TOP3B: variants seen among roughly 807,000 people sequenced by gnomAD.
The protein encoded by TOP3B is DNA topoisomerase 3-beta-1.
Under a neutral mutation model 93.9 loss-of-function variants are expected in TOP3B, and 45 were observed. The observed-to-expected ratio is 0.48, with a 90% CI of 0.38 to 0.61. TOP3B has a LOEUF of 0.61. Ranked by LOEUF, TOP3B falls within the 20% of genes least tolerant of loss-of-function variation. The pLI, the probability that TOP3B is intolerant of heterozygous loss-of-function variation, is 0.00. For synonymous variants in TOP3B, 357 were observed against 472.6 expected (o/e 0.76, Z 3.17); for missense variants, 750 against 1,156.1 (o/e 0.65, Z 5.09).
Position 21,958,664 on chromosome 22 carries a change from G to T in TOP3B, c.1935C>A (p.His645Gln), listed in dbSNP as rs760864773. 9 of 1,610,312 alleles carry T rather than the reference G, an allele frequency of 5.6e-6. No homozygotes were observed. Among genetic ancestry groups the T allele is most frequent in the Non-Finnish European group, 7.6e-6 (9 of 1,177,842 alleles). ...GGGGGAGCGTGTAGGTCTCATCGCA[G>T]TGGGAGCAGTGCAGGCGGCTTGGCT... ...QAKPSRLHCSHCDETYTLPQN... is the reference protein window; with the variant it reads ...QAKPSRLHCSQCDETYTLPQN... Residue 645 changes from histidine to glutamine, a missense_variant, in exon 17 of 18, where the codon CAC becomes CAA. This residue lies in a region of TOP3B where 737 missense variants were observed against 933.7 expected (regional missense o/e 0.79). Transcript: ENST00000357179.
intron 7 of TOP3B, chr22:21,968,101 T>C (rs2071487129): frequency 3.6e-6 from 1 of 278,734 alleles, no homozygotes; most frequent in Admixed American, 4.9e-5. Flanking sequence ...TCTCACTGTG[T>C]TGCTAGGCTG....
At chr22:21,981,431 G>T (rs150976102) in intron 1 of TOP3B, among the ~76,000 whole-genome samples, 1 of 152,282 alleles carries the variant, frequency 6.6e-6, no homozygotes, top group African/African-American at 2.4e-5. Flanking sequence ...CACTACACTT[G>T]GTACAGCTTC....
rs770353799 is a variant in TOP3B at position 21,962,291 on chromosome 22, G to A, written c.1525+138C>T. The A allele has an allele frequency of 5.0e-6, 8 of 1,592,136 alleles. No homozygotes were observed. In the East Asian group the frequency reaches 1.6e-4, roughly 31 times the overall value. Reference sequence around the variant, plus strand: ...ACCTGCCTGGCTGGCCACACACTGGGTCACCAGTTTCCAGATACCAGCCCA... The same window carrying A: ...ACCTGCCTGGCTGGCCACACACTGGATCACCAGTTTCCAGATACCAGCCCA... On this transcript the variant is annotated intron_variant, in intron 13 of 17. Transcript: ENST00000357179.
chr22:21,958,887 A>G, intron 16 of TOP3B, 194 bp from the exon 17 acceptor site: 6 of 1,084,454 alleles, frequency 5.5e-6, no homozygotes, highest in African/African-American at 3.2e-5. Context: ...CTGTGTGTAC[A>G]TTAATGCCCA....
At chr22:21,959,552 C>A in intron 15 of TOP3B, 35 bp downstream of exon 15, 1 of 1,576,964 alleles carries the variant, frequency 6.3e-7, no homozygotes. Context: ...GAGAGACACC[C>A]CTCTGGTGAG....
Position 21,960,404 on chromosome 22 carries a change from C to A in TOP3B, c.1571G>T (p.Arg524Leu). 1 of 1,613,718 alleles carries A rather than the reference C, an allele frequency of 6.2e-7. No homozygotes were observed. The highest frequency in any genetic ancestry group is 2.2e-5 in the East Asian group (1 of 44,880). Residue 524 changes from arginine to leucine, a missense_variant, in exon 14 of 18, where the codon CGC becomes CTC. Physicochemically the swap from Arg to Leu is moderately radical, Grantham distance 102. This residue lies in a region of TOP3B where 737 missense variants were observed against 933.7 expected (regional missense o/e 0.79). Transcript: ENST00000357179. ...CCCGCTCTCCACCGTGACATAGTTG[C>A]GCTGGCAGATGTTGTTGATATGCAC... ...IPVHINNICQ[R>L]NYVTVESGRR...
Position 21,970,171 on chromosome 22 carries a change from G to C in TOP3B, c.581+39C>G, listed in dbSNP as rs2071577343. 1 of 1,558,956 alleles carries C rather than the reference G, an allele frequency of 6.4e-7. No individual in the cohort carries two copies. Among genetic ancestry groups the C allele is most frequent in the Non-Finnish European group, 8.6e-7 (1 of 1,157,426 alleles). The stretch of plus-strand genomic sequence containing the variant: ...GAGGCAGGTCTCTGGCTGAGGGAGA[G>C]TGAGGGTGTGCCCAGGACTCTGCGG... On this transcript the variant is annotated intron_variant, in intron 6 of 17. Coordinates refer to ENST00000357179, the MANE Select transcript of TOP3B (RefSeq NM_001282112.2). The surrounding 1 kb of genome is among the most constrained non-coding windows in gnomAD (Gnocchi z 4.4).
At chr22:21,969,027 A>T in intron 6 of TOP3B, 1 of 479,660 alleles carries the variant, frequency 2.1e-6, no homozygotes, top group Non-Finnish European at 3.8e-6. Context: ...CTTCTATTCT[A>T]TTCCATCTAC....
At chr22:21,962,321 G>C in intron 13 of TOP3B, 108 bp downstream of exon 13, 1 of 1,599,350 alleles carries the variant, frequency 6.3e-7, no homozygotes, top group East Asian at 2.2e-5. Flanking sequence ...AGCCCATGGA[G>C]GGGTGCTGGG....
At chr22:21,974,607 G>GTGACGACATTC (rs1223268093) in intron 2 of TOP3B, 119 bp from the exon 3 acceptor site, 3 of 1,181,938 alleles carry the variant, frequency 2.5e-6, no homozygotes, top group Non-Finnish European at 2.3e-6. Flanking sequence ...AGAGTGGTGA[G>GTGACGACATTC]TGACGACATT....
chr22:21,974,559 G>A (rs369335117), intron 2 of TOP3B, 71 bp from the exon 3 acceptor site: 101 of 1,481,550 alleles, frequency 6.8e-5, no homozygotes, highest in Non-Finnish European at 8.1e-5. Context: ...ACCCCAGCCC[G>A]GATGCCACCT....
chr22:21,970,472 T>C lies in TOP3B; in HGVS notation c.385-66A>G. ...TCCCTGCCACAGCTCCCCACCCCAC[T>C]GTGAAGCCTGGTTCCTTCCAGGAAA... On this transcript the variant is annotated intron_variant, in intron 5 of 17. Transcript: ENST00000357179. The surrounding 1 kb of genome is among the most constrained non-coding windows in gnomAD (Gnocchi z 4.4). 2 of 1,540,882 alleles carry C rather than the reference T, an allele frequency of 1.3e-6. No individual in the cohort carries two copies. Among genetic ancestry groups the C allele is most frequent in the Non-Finnish European group, 1.8e-6 (2 of 1,130,710 alleles).
At chr22:21,974,280 A>G in intron 3 of TOP3B, 77 bp downstream of exon 3, 1 of 1,533,284 alleles carries the variant, frequency 6.5e-7, no homozygotes, top group Non-Finnish European at 8.8e-7. Context: ...GCCTAGAGGC[A>G]TCTCCTGGCT....
chr22:21,972,600 A>G lies in TOP3B; in HGVS notation c.309+12T>C. 1 of 1,597,008 alleles carries G rather than the reference A, an allele frequency of 6.3e-7. No homozygotes were observed. The highest frequency in any genetic ancestry group is 1.1e-5 in the South Asian group (1 of 89,674). On this transcript the variant is annotated intron_variant, in intron 4 of 17. Coordinates refer to ENST00000357179, the MANE Select transcript of TOP3B (RefSeq NM_001282112.2). ...GCCCCGGTGTGCTCATGCCCAGGCC[A>G]GCCCCACGCACCTGCAGGAACTTCA... is the stretch of plus-strand genomic sequence containing the variant.
chr22:21,972,810 G>A, intron 3 of TOP3B, 92 bp from the exon 4 acceptor site: 2 of 1,045,160 alleles, frequency 1.9e-6, no homozygotes, highest in Admixed American at 3.8e-5. Flanking sequence ...TCCCACAAAT[G>A]AGGAGGGGAA....
chr22:21,962,616 C>T lies in TOP3B; in HGVS notation c.1352-14G>A, dbSNP rs747346389. 2.2e-5 allele frequency: 36 copies of T among 1,607,522 alleles called. No individual in the cohort carries two copies. Among genetic ancestry groups the T allele is most frequent in the South Asian group, 1.2e-4 (11 of 90,952 alleles). On this transcript the variant is annotated splice_polypyrimidine_tract_variant and intron_variant, in intron 12 of 17. Transcript: ENST00000357179. ...CCTCCGTGAAGCCTGGAGAGATATG[C>T]GCCGCCACTCAGGGTCCCCAGCCTG...
At position 21,962,519 on chromosome 22, in the gene TOP3B, C is replaced by T; in HGVS notation, c.1435G>A (p.Gly479Ser). 6.2e-7 allele frequency: 1 copy of T among 1,613,724 alleles called. No individual in the cohort carries two copies. The highest frequency in any genetic ancestry group is 8.5e-7 in the Non-Finnish European group (1 of 1,180,026). Reference protein sequence around the residue: ...TCQRGDAFPVGEVKMLEKQTN... With the variant: ...TCQRGDAFPVSEVKMLEKQTN... ...TGCTTCTCCAGCATCTTCACCTCGC[C>T]CACAGGGAAGGCATCACCCCGCTGG... The change falls in exon 13 of 18, where the codon GGC becomes AGC. Residue 479 changes from glycine to serine, a missense_variant. By Grantham distance (56) the Gly-to-Ser change is moderately conservative. This residue lies in a region of TOP3B where 737 missense variants were observed against 933.7 expected (regional missense o/e 0.79). Transcript: ENST00000357179.
intron 1 of TOP3B, among the ~76,000 whole-genome samples, chr22:21,979,863 C>A (rs2084585524): frequency 6.6e-6 from 1 of 150,602 alleles, no homozygotes; most frequent in South Asian, 2.1e-4. Flanking sequence ...ATGGTGTGAA[C>A]CCGGGAAGCG....
chr22:21,967,134 A>T (rs867632719), intron 8 of TOP3B: 14 of 168,694 alleles, frequency 8.3e-5, no homozygotes, highest in African/African-American at 2.2e-4. Flanking sequence ...CAATTCATAG[A>T]AGCCCTGAGT....
Sources: gnomAD v4.1 joint callset for allele counts (sites outside exome capture counted in the v4.1 genomes callset) on GRCh38, gnomAD v4.1.1 for gene constraint, gnomAD v4.1.1 regional missense constraint, Gnocchi (gnomAD v3.1) non-coding constraint, MANE v1.5 for transcripts, NCBI Gene and HGNC (gene_info 2026-07-23, HGNC 2026-07-21) for gene names.